Variants in CAB39 observed in about 807,000 individuals in gnomAD.
The protein encoded by CAB39 is calcium-binding protein 39.
CAB39 carries 8 observed loss-of-function variants against 40.0 expected under a neutral mutation model. The ratio of observed to expected loss-of-function variants is 0.20; its 90% CI spans 0.12 to 0.36. The LOEUF (loss-of-function observed/expected upper bound fraction) is 0.36, where lower values mean the gene tolerates loss of function less well. Ranked by LOEUF, CAB39 falls within the 10% of genes least tolerant of loss-of-function variation. CAB39 has a pLI of 1.00. For synonymous variants in CAB39, 156 were observed against 141.6 expected, an observed-to-expected ratio of 1.10 and a Z score of -0.72; for missense variants, 270 against 401.1, an observed-to-expected ratio of 0.67 and a Z score of 2.79.
intron 2 of CAB39, among the ~76,000 whole-genome samples, chr2:230,786,937 C>G (rs760319991): frequency 3.3e-5 from 5 of 152,138 alleles, no homozygotes; most frequent in Non-Finnish European, 5.9e-5. Context: ...GAACTACCAT[C>G]AGATCTCCAA....
chr2:230,757,603 G>A (rs1242333755), intron 1 of CAB39, among the ~76,000 whole-genome samples: 2 of 152,098 alleles, frequency 1.3e-5, no homozygotes, highest in Admixed American at 6.5e-5. Context: ...CTGTTACCCT[G>A]GAAAGTCACA....
intron 1 of CAB39, among the ~76,000 whole-genome samples, chr2:230,749,888 T>C (rs1417753596): frequency 1.3e-5 from 2 of 152,232 alleles, no homozygotes; most frequent in African/African-American, 4.8e-5. Context: ...GTATGAAAGA[T>C]ACTGGACAAC....
chr2:230,778,918 C>T (rs1043528065), intron 2 of CAB39: 6 of 152,042 alleles, frequency 3.9e-5, no homozygotes, highest in Non-Finnish European at 8.8e-5. Flanking sequence ...TGTGGGACCA[C>T]AGTTGTCTCT....
At chr2:230,767,243 A>C (rs1378969649) in intron 2 of CAB39, among the ~76,000 whole-genome samples, 1 of 152,024 alleles carries the variant, frequency 6.6e-6, no homozygotes, top group African/African-American at 2.4e-5. Flanking sequence ...GCATAACTCT[A>C]TCCTTTCCGT....
intron 1 of CAB39, among the ~76,000 whole-genome samples, chr2:230,755,073 A>G (rs1353151549): frequency 6.6e-6 from 1 of 152,144 alleles, no homozygotes; most frequent in African/African-American, 2.4e-5. Context: ...ACACACACAC[A>G]CACACTCAAC....
intron 1 of CAB39, among the ~76,000 whole-genome samples, chr2:230,716,166 G>A (rs1314838028): frequency 2.0e-5 from 3 of 152,210 alleles, no homozygotes; most frequent in Non-Finnish European, 4.4e-5. Flanking sequence ...GAGTAAGGCT[G>A]TATACGTTTC....
chr2:230,753,134 G>A lies in CAB39; in HGVS notation c.-43-6825G>A, dbSNP rs536153893. 2.0e-5 allele frequency among the ~76,000 whole-genome samples: 3 copies of A among 152,256 alleles called. No individual in the cohort carries two copies. In the East Asian group the frequency reaches 5.8e-4, roughly 29 times the overall value. On this transcript the variant is annotated intron_variant, in intron 1 of 8. Coordinates refer to ENST00000258418, the MANE Select transcript of CAB39 (RefSeq NM_016289.4). The stretch of plus-strand genomic sequence containing the variant: ...GAAAATAAATAAATAAATAGATGCA[G>A]GAAAGGAAAGGGCATTGGGAGAGAG...
chr2:230,793,017 G>C (rs1365303916), intron 3 of CAB39, among the ~76,000 whole-genome samples, 196 bp from the exon 4 acceptor site: 2 of 152,140 alleles, frequency 1.3e-5, no homozygotes, highest in Non-Finnish European at 2.9e-5. Context: ...CATTGTTCAT[G>C]TTAAAAATAG....
At position 230,712,939 on chromosome 2, in the gene CAB39, C is replaced by A. The variant is rs1396572403; in HGVS notation, c.-335C>A. Reference sequence around the variant, plus strand: ...GACACAGAGCCTTCAGGCGCCGGGGCGGGGGCACAGGCGAAGACTAAGGCG... The same window carrying A: ...GACACAGAGCCTTCAGGCGCCGGGGAGGGGGCACAGGCGAAGACTAAGGCG... On this transcript the variant is annotated 5_prime_UTR_variant, in exon 1 of 9. Coordinates refer to ENST00000258418, the MANE Select transcript of CAB39 (RefSeq NM_016289.4). 1 of 151,502 alleles carries A rather than the reference C, an allele frequency of 6.6e-6. No homozygotes were observed. Among genetic ancestry groups the A allele is most frequent in the African/African-American group, 2.4e-5 (1 of 41,256 alleles). The allele number at this position is 151,502 out of a possible 1,614,324, so 9.4% of individuals were successfully genotyped here. A position where few individuals can be genotyped will look rare whatever the true frequency, so the allele number is the denominator to read the frequency against.
rs71052547 is a variant in CAB39 at position 230,754,305 on chromosome 2, TTTCTTCC to T, written c.-43-5633_-43-5627del. Among the ~76,000 whole-genome samples the T allele has an allele frequency of 4.2e-3, 600 of 142,526 alleles. 4 individuals are homozygous for T. Among genetic ancestry groups the T allele is most frequent in the Admixed American group, 0.015 (217 of 14,400 alleles). The allele number at this position is 142,526 out of a possible 152,430, so 93.5% of individuals were successfully genotyped here. ...ATTCTTTTTTCTTTCTTCTTTCTTCTTTCTTCCTTCTTCCTTCTTCCTTCTTCTTCCT... is the reference window on the plus strand; with the variant it reads ...ATTCTTTTTTCTTTCTTCTTTCTTCTTTCTTCCTTCTTCCTTCTTCTTCCT... On this transcript the variant is annotated intron_variant, in intron 1 of 8. Transcript: ENST00000258418.
chr2:230,810,718 G>A (rs1234773255), intron 6 of CAB39, among the ~76,000 whole-genome samples: 1 of 152,246 alleles, frequency 6.6e-6, no homozygotes, highest in Non-Finnish European at 1.5e-5. Flanking sequence ...CTGGCCAGAG[G>A]GGACGGGAGC....
At chr2:230,810,706 C>T (rs114714136) in intron 6 of CAB39, among the ~76,000 whole-genome samples, 1 of 152,338 alleles carries the variant, frequency 6.6e-6, no homozygotes, top group Non-Finnish European at 1.5e-5. Context: ...ATGAGAGCAG[C>T]ACTGGCCAGA....
chr2:230,773,490 T>C (rs1695529418), intron 2 of CAB39, among the ~76,000 whole-genome samples: 1 of 152,164 alleles, frequency 6.6e-6, no homozygotes, highest in Admixed American at 6.6e-5. Context: ...ATTGGAAGGC[T>C]AGATTGCAAT....
At chr2:230,713,385 G>T (rs1424340074) in intron 1 of CAB39, among the ~76,000 whole-genome samples, 155 bp downstream of exon 1, 1 of 152,188 alleles carries the variant, frequency 6.6e-6, no homozygotes, top group African/African-American at 2.4e-5. Context: ...GGAGCAGCCG[G>T]GCCCAGCCTG....
At chr2:230,769,416 T>C (rs532343988) in intron 2 of CAB39, among the ~76,000 whole-genome samples, 4 of 152,312 alleles carry the variant, frequency 2.6e-5, no homozygotes, top group African/African-American at 7.2e-5. Context: ...CTTGACCTGA[T>C]TGACATTTAT....
At chr2:230,794,391 A>C (rs1695944200) in intron 4 of CAB39, among the ~76,000 whole-genome samples, 1 of 152,220 alleles carries the variant, frequency 6.6e-6, no homozygotes, top group South Asian at 2.1e-4. Context: ...TGTAGTGAGC[A>C]GTGTGAAATT....
chr2:230,738,364 C>T (rs921095620), intron 1 of CAB39, among the ~76,000 whole-genome samples: 2 of 152,190 alleles, frequency 1.3e-5, no homozygotes, highest in African/African-American at 4.8e-5. Flanking sequence ...AAAACACAAG[C>T]AAGAGCTTTT....
Position 230,803,237 on chromosome 2 carries a change from G to C in CAB39, c.567+4340G>C, listed in dbSNP as rs569798147. On this transcript the variant is annotated intron_variant, in intron 5 of 8. Transcript: ENST00000258418. ...GTGCTAAAAACTCTCAATAAACTAG[G>C]TATTGATGGAACGTATCTCAAAATA... is the stretch of plus-strand genomic sequence containing the variant. 3.7e-4 allele frequency among the ~76,000 whole-genome samples: 57 copies of C among 152,212 alleles called. 1 individual carries two copies. Among genetic ancestry groups the C allele is most frequent in the Non-Finnish European group, 7.2e-4 (49 of 68,004 alleles).
Position 230,793,221 on chromosome 2 carries a change from A to G in CAB39, c.288A>G (p.Lys96=). 1.2e-6 allele frequency: 2 copies of G among 1,604,870 alleles called. No individual in the cohort carries two copies. Among genetic ancestry groups the G allele is most frequent in the Non-Finnish European group, 1.7e-6 (2 of 1,173,172 alleles). Residue 96 remains lysine, a synonymous_variant, in exon 4 of 9, where the codon AAA becomes AAG. Transcript: ENST00000258418. ...DLQLIDFEGK[K]DVAQIFNNIL... is the part of the protein sequence containing the mutation. ...GATTGTATTCCTAATAGGGCAAAAA[A>G]GACGTGGCTCAAATTTTCAACAATA...
Sources: gnomAD v4.1 joint callset for allele counts (sites outside exome capture counted in the v4.1 genomes callset) on GRCh38, gnomAD v4.1.1 for gene constraint, MANE v1.5 for transcripts, NCBI Gene and HGNC (gene_info 2026-07-23, HGNC 2026-07-21) for gene names.